PEX5L: variants seen among roughly 807,000 people sequenced by gnomAD.
PEX5L encodes PEX5-related protein.
A neutral mutation model predicts 84.0 loss-of-function variants in PEX5L; 30 were observed. The ratio of observed to expected loss-of-function variants is 0.36; its 90% CI spans 0.27 to 0.48. PEX5L has a LOEUF of 0.48. Among genes scored for constraint, PEX5L ranks in the 20% least tolerant of loss-of-function variants. The pLI is 0.99. For synonymous variants in PEX5L, 270 were observed against 283.1 expected (o/e 0.95, Z 0.46); for missense variants, 533 against 754.6 (o/e 0.71, Z 3.44).
chr3:179,827,562 T>C (rs1577326492), intron 8 of PEX5L, among the ~76,000 whole-genome samples: 1 of 151,856 alleles, frequency 6.6e-6, no homozygotes, highest in East Asian at 1.9e-4. Flanking sequence ...AAAACAAATA[T>C]TGTTGTTTTA....
chr3:179,995,767 A>G (rs1320944794), intron 1 of PEX5L, among the ~76,000 whole-genome samples: 5 of 152,128 alleles, frequency 3.3e-5, no homozygotes, highest in African/African-American at 1.2e-4. Context: ...AAAAACAGAC[A>G]CAAGCTCTTA....
intron 14 of PEX5L, chr3:179,804,165 C>T (rs1308347193): frequency 2.0e-5 from 3 of 152,070 alleles, no homozygotes; most frequent in Admixed American, 6.6e-5. Context: ...CCTCATCAAA[C>T]GACTCCAGTT....
intron 2 of PEX5L, among the ~76,000 whole-genome samples, chr3:179,919,493 G>C (rs1768491512): frequency 6.6e-6 from 1 of 152,116 alleles, no homozygotes; most frequent in Non-Finnish European, 1.5e-5. Context: ...TGGAACTCTG[G>C]CTCCATTCTG....
At chr3:179,830,261 C>CCTGATATT (rs890577362) in intron 8 of PEX5L, among the ~76,000 whole-genome samples, 1 of 151,102 alleles carries the variant, frequency 6.6e-6, no homozygotes, top group Non-Finnish European at 1.5e-5. Context: ...ATCATATTGC[C>CCTGATATT]CTGATATTCT....
intron 1 of PEX5L, among the ~76,000 whole-genome samples, chr3:180,017,923 A>G (rs1790078857): frequency 6.6e-6 from 1 of 152,232 alleles, no homozygotes; most frequent in African/African-American, 2.4e-5. Context: ...ATGAGGACTC[A>G]GGGTAGGTGG....
intron 2 of PEX5L, among the ~76,000 whole-genome samples, chr3:179,901,273 AC>A (rs1236803746): frequency 3.4e-5 from 5 of 148,922 alleles, no homozygotes; most frequent in African/African-American, 5.0e-5. Context: ...AATTGTTCAG[AC>A]TTCAGACTCA....
chr3:179,802,705 T>A (rs1435529203), intron 14 of PEX5L, among the ~76,000 whole-genome samples: 1 of 152,178 alleles, frequency 6.6e-6, no homozygotes, highest in Non-Finnish European at 1.5e-5. Context: ...TTGATTTCTA[T>A]AACTAGGTTT....
chr3:179,997,891 G>A (rs1270854455), intron 1 of PEX5L, among the ~76,000 whole-genome samples: 1 of 152,162 alleles, frequency 6.6e-6, no homozygotes, highest in Non-Finnish European at 1.5e-5. Flanking sequence ...TACCTTTATT[G>A]TCCTACCTCA....
chr3:180,010,079 G>A (rs1243061574), intron 1 of PEX5L, among the ~76,000 whole-genome samples: 1 of 151,642 alleles, frequency 6.6e-6, no homozygotes, highest in Non-Finnish European at 1.5e-5. Flanking sequence ...GAATAGCTGG[G>A]ACTACAGGCG....
intron 1 of PEX5L, among the ~76,000 whole-genome samples, chr3:179,993,286 A>G (rs1787555502): frequency 6.6e-6 from 1 of 152,098 alleles, no homozygotes; most frequent in Non-Finnish European, 1.5e-5. Context: ...GCCTACTCAT[A>G]TCTTTTGCCC....
intron 3 of PEX5L, chr3:179,895,671 T>G (rs1030241382): frequency 2.3e-4 from 35 of 152,144 alleles, no homozygotes; most frequent in Admixed American, 2.2e-3. Context: ...ATGTTTGGCT[T>G]AATTCCTCTA....
chr3:179,802,835 C>T (rs1379407065), intron 14 of PEX5L, among the ~76,000 whole-genome samples: 2 of 149,292 alleles, frequency 1.3e-5, no homozygotes, highest in African/African-American at 2.4e-5. Context: ...TCTTGAATCC[C>T]AGTTATTTAG....
intron 2 of PEX5L, among the ~76,000 whole-genome samples, chr3:179,909,056 G>C (rs1439883590): frequency 6.6e-6 from 1 of 152,034 alleles, no homozygotes; most frequent in Non-Finnish European, 1.5e-5. Context: ...GGCTCTGTTG[G>C]CTTAATTGTC....
intron 2 of PEX5L, among the ~76,000 whole-genome samples, chr3:179,929,248 G>T (rs1325518025): frequency 6.6e-6 from 1 of 152,136 alleles, no homozygotes; most frequent in Non-Finnish European, 1.5e-5. Flanking sequence ...ACAGCAGGGG[G>T]CAGCAGATCA....
chr3:180,034,018 AT>A (rs1355788645), intron 1 of PEX5L, among the ~76,000 whole-genome samples: 4 of 152,234 alleles, frequency 2.6e-5, no homozygotes, highest in Non-Finnish European at 5.9e-5. Context: ...AACCAGATGA[AT>A]TAGCCATATG....
At chr3:180,019,704 A>G (rs544716154) in intron 1 of PEX5L, among the ~76,000 whole-genome samples, 23 of 152,194 alleles carry the variant, frequency 1.5e-4, no homozygotes, top group Non-Finnish European at 2.4e-4. Context: ...AAGGAAACAG[A>G]AATACTTCCC....
At chr3:179,932,656 C>T (rs1414196428) in intron 2 of PEX5L, among the ~76,000 whole-genome samples, 1 of 152,012 alleles carries the variant, frequency 6.6e-6, no homozygotes, top group East Asian at 1.9e-4. Context: ...TTAATTTAAG[C>T]TCTATTCACA....
intron 8 of PEX5L, among the ~76,000 whole-genome samples, chr3:179,849,759 A>G (rs1741056669): frequency 1.3e-5 from 2 of 152,180 alleles, no homozygotes; most frequent in South Asian, 4.1e-4. Flanking sequence ...ATGTCTTTTC[A>G]TGTTCACTTT....
intron 4 of PEX5L, among the ~76,000 whole-genome samples, chr3:179,885,759 A>T (rs1755660355): frequency 6.6e-6 from 1 of 152,188 alleles, no homozygotes. Flanking sequence ...TGCTGCCATA[A>T]ACCAAGGCAG....
Sources: gnomAD v4.1 joint callset for allele counts (sites outside exome capture counted in the v4.1 genomes callset) on GRCh38, gnomAD v4.1.1 for gene constraint, MANE v1.5 for transcripts, NCBI Gene and HGNC (gene_info 2026-07-23, HGNC 2026-07-21) for gene names.